Variants in MAP4K4 observed in about 807,000 individuals in gnomAD.
The protein encoded by MAP4K4 is mitogen-activated protein kinase kinase kinase kinase 4, also known as HPK/GCK-like kinase HGK.
MAP4K4 carries 38 observed loss-of-function variants against 189.6 expected under a neutral mutation model. The observed-to-expected ratio is 0.20, with a 90% CI of 0.15 to 0.26. The LOEUF (loss-of-function observed/expected upper bound fraction) is 0.26. Ranked by LOEUF, MAP4K4 falls within the 10% of genes least tolerant of loss-of-function variation. The pLI is 1.00. For missense variants in MAP4K4, 1,054 were observed against 1,726.9 expected, an observed-to-expected ratio of 0.61 and a Z score of 6.91; for synonymous variants, 610 against 624.3, an observed-to-expected ratio of 0.98 and a Z score of 0.34.
chr2:101,763,486 T>C (rs1575127176), intron 2 of MAP4K4, among the ~76,000 whole-genome samples: 1 of 152,190 alleles, frequency 6.6e-6, no homozygotes, highest in African/African-American at 2.4e-5. Context: ...GGTGGCCAAG[T>C]TATTGGGCTT....
At chr2:101,759,540 CA>C (rs1312387865) in intron 2 of MAP4K4, among the ~76,000 whole-genome samples, 4 of 34,780 alleles carry the variant, frequency 1.2e-4, no homozygotes, top group Non-Finnish European at 5.1e-5. Context: ...CTCCCCATTC[CA>C]CTCCCCTCCC....
intron 2 of MAP4K4, among the ~76,000 whole-genome samples, chr2:101,785,462 A>G (rs532138015): frequency 1.1e-4 from 16 of 152,174 alleles, no homozygotes; most frequent in African/African-American, 3.9e-4. Context: ...TCTATTTTTC[A>G]TTTCTTGAAT....
chr2:101,760,528 A>ATGTGTGTG (rs1445696926), intron 2 of MAP4K4, among the ~76,000 whole-genome samples: 6 of 108,522 alleles, frequency 5.5e-5, no homozygotes, highest in African/African-American at 2.8e-4. Context: ...ATATATGTAT[A>ATGTGTGTG]TATGTGTGTG....
exon 1 of MAP4K4, chr2:101,697,783 CGGGGCCTGAGGCGGCGGGCGACGCCCG>C (rs1198008461): frequency 6.9e-6 from 1 of 145,426 alleles, no homozygotes; most frequent in African/African-American, 2.5e-5. Flanking sequence ...GCGCGGGCGC[CGGGGCCTGAGGCGGCGGGCGACGCCCG>C]GGGGCCTGAC....
chr2:101,740,376 G>A (rs1027157932), intron 2 of MAP4K4, among the ~76,000 whole-genome samples: 7 of 103,150 alleles, frequency 6.8e-5, no homozygotes, highest in Non-Finnish European at 1.2e-4. Flanking sequence ...GGATGGTCTC[G>A]ATCTCCTGAC....
exon 27 of MAP4K4, chr2:101,877,126 A>G: frequency 1.2e-6 from 2 of 1,614,044 alleles, no homozygotes; most frequent in Non-Finnish European, 1.7e-6. Context: ...GAGGGCTTGA[A>G]TGTCTTGGTG....
Position 101,830,281 on chromosome 2 carries a change from C to T in MAP4K4, c.508+687C>T, listed in dbSNP as rs142614427. Among the ~76,000 whole-genome samples, 472 of 152,242 alleles carry T rather than the reference C, an allele frequency of 3.1e-3. 3 individuals are homozygous for T. Among genetic ancestry groups the T allele is most frequent in the African/African-American group, 0.01 (433 of 41,530 alleles). On this transcript the variant is annotated intron_variant, in intron 6 of 32. Coordinates refer to ENST00000324219, the Ensembl canonical transcript of MAP4K4. ...AAATAGTGTATTACCCAGCATCTAG[C>T]ATTGTGACTTCATTGTAGTAGGTGC...
chr2:101,715,925 C>T (rs1574089037), intron 2 of MAP4K4, among the ~76,000 whole-genome samples: 1 of 152,290 alleles, frequency 6.6e-6, no homozygotes, highest in Middle Eastern at 3.4e-3. Context: ...GCATTAGATT[C>T]TCAAAGGAGC....
chr2:101,871,969 A>G (rs1015955999), intron 24 of MAP4K4, among the ~76,000 whole-genome samples: 6 of 152,256 alleles, frequency 3.9e-5, no homozygotes, highest in Non-Finnish European at 7.3e-5. Flanking sequence ...AAATCTAAAT[A>G]AAATGATTGC....
intron 2 of MAP4K4, among the ~76,000 whole-genome samples, chr2:101,707,002 G>T (rs894006420): frequency 1.3e-5 from 2 of 152,088 alleles, no homozygotes; most frequent in African/African-American, 4.8e-5. Flanking sequence ...GCAGAGAAAG[G>T]GGACCTGGGG....
At chr2:101,882,469 G>A in intron 27 of MAP4K4, 82 bp from the exon 28 acceptor site, 1 of 1,137,694 alleles carries the variant, frequency 8.8e-7, no homozygotes, top group Non-Finnish European at 1.2e-6. Flanking sequence ...TTAAGTGATT[G>A]ATTTCTTTTG....
intron 2 of MAP4K4, among the ~76,000 whole-genome samples, chr2:101,749,809 T>G (rs2067713355): frequency 7.3e-6 from 1 of 136,274 alleles, no homozygotes. Context: ...CAAACAAATT[T>G]ACAAGAAAAA....
rs57008305 is a variant in MAP4K4 at position 101,784,268 on chromosome 2, GTGTGTGTGTGTGTGTGTGTA to G, written c.124-6432_124-6413del. 9.9e-3 allele frequency among the ~76,000 whole-genome samples: 1,453 copies of G among 146,078 alleles called. 25 individuals are homozygous for G. The highest frequency in any genetic ancestry group is 0.037 in the African/African-American group (1,375 of 36,842). ...TATTTCTCTGTGATGCTCTTCGTGT[GTGTGTGTGTGTGTGTGTGTA>G]TGTGTGTGTGTGTGTGTGTGTTTTT... On this transcript the variant is annotated intron_variant, in intron 2 of 32. Coordinates refer to ENST00000324219, the Ensembl canonical transcript of MAP4K4.
chr2:101,710,310 A>G (rs923142239), intron 2 of MAP4K4, among the ~76,000 whole-genome samples: 8 of 152,216 alleles, frequency 5.3e-5, no homozygotes, highest in Admixed American at 1.3e-4. Context: ...TTAGTTCTCT[A>G]TATGTACACA....
At chr2:101,803,269 ATGTGTGTGTG>A (rs780552195) in intron 3 of MAP4K4, among the ~76,000 whole-genome samples, 1 of 83,326 alleles carries the variant, frequency 1.2e-5, no homozygotes, top group Non-Finnish European at 2.7e-5. Context: ...GTGTGTATGT[ATGTGTGTGTG>A]TGTTTGTGTG....
rs546013423 is a variant in MAP4K4, at chr2:101,734,087, T to C, written c.123+35549T>C. Among the ~76,000 whole-genome samples, 28 of 152,358 alleles carry C rather than the reference T, an allele frequency of 1.8e-4. No homozygotes were observed. In the East Asian group the frequency reaches 4.8e-3, roughly 26 times the overall value. On this transcript the variant is annotated intron_variant, in intron 2 of 32. Transcript: ENST00000324219. ...TAATTCTTCATCTTTTTTCCCATTATTACTGACACTATTGATAGAAAATAA... is the reference window on the plus strand; with the variant it reads ...TAATTCTTCATCTTTTTTCCCATTACTACTGACACTATTGATAGAAAATAA...
chr2:101,787,608 T>C (rs919645890), intron 2 of MAP4K4, among the ~76,000 whole-genome samples: 3 of 152,102 alleles, frequency 2.0e-5, no homozygotes, highest in African/African-American at 7.2e-5. Flanking sequence ...AGGCAAACTT[T>C]TGTCCTTTAA....
intron 5 of MAP4K4, among the ~76,000 whole-genome samples, chr2:101,827,497 G>A (rs1199556362): frequency 2.0e-5 from 3 of 152,180 alleles, no homozygotes; most frequent in Non-Finnish European, 4.4e-5. Context: ...GATAAGCTGT[G>A]TTCTCAAAGA....
At chr2:101,732,318 G>T (rs2058792310) in intron 2 of MAP4K4, among the ~76,000 whole-genome samples, 1 of 152,178 alleles carries the variant, frequency 6.6e-6, no homozygotes, top group South Asian at 2.1e-4. Flanking sequence ...ATGGGCTTGT[G>T]TGGGGTGGGG....
Sources: allele counts gnomAD v4.1 joint callset (sites outside exome capture counted in the v4.1 genomes callset), GRCh38; gene constraint gnomAD v4.1.1; transcripts MANE v1.5; gene names NCBI Gene and HGNC (gene_info 2026-07-23, HGNC 2026-07-21).